SHANK2: variants seen among roughly 807,000 people sequenced by gnomAD.
SHANK2 encodes the protein SH3 and multiple ankyrin repeat domains protein 2.
A neutral mutation model predicts 133.7 loss-of-function variants in SHANK2; 43 were observed. The ratio of observed to expected loss-of-function variants is 0.32; its 90% CI spans 0.25 to 0.41. The LOEUF (loss-of-function observed/expected upper bound fraction) is 0.41. SHANK2 is among the 10% of genes least tolerant of loss of function. The pLI is 1.00. For missense variants in SHANK2, 1,994 were observed against 2,235.8 expected, an observed-to-expected ratio of 0.89 and a Z score of 2.18; for synonymous variants, 1,017 against 952.8, an observed-to-expected ratio of 1.07 and a Z score of -1.24.
At chr11:70,643,442 T>C (rs573108209) in intron 17 of SHANK2, among the ~76,000 whole-genome samples, 4 of 152,038 alleles carry the variant, frequency 2.6e-5, no homozygotes, top group East Asian at 1.9e-4. Flanking sequence ...CAGGTGCCTG[T>C]AGTCCCAGCT....
At chr11:70,793,447 A>G (rs1947839044) in intron 14 of SHANK2, among the ~76,000 whole-genome samples, 1 of 152,232 alleles carries the variant, frequency 6.6e-6, no homozygotes, top group Non-Finnish European at 1.5e-5. Context: ...TTTGCAGCAT[A>G]TATTTGACAA....
chr11:70,579,650 T>C (rs2060159408), intron 17 of SHANK2, among the ~76,000 whole-genome samples: 1 of 152,228 alleles, frequency 6.6e-6, no homozygotes, highest in Non-Finnish European at 1.5e-5. Flanking sequence ...CCGGGACCTG[T>C]CCTGTGCAGG....
chr11:70,751,913 A>G (rs1450848882), intron 14 of SHANK2, among the ~76,000 whole-genome samples: 31 of 152,204 alleles, frequency 2.0e-4, no homozygotes, highest in Admixed American at 2.0e-3. Context: ...TGGAAAAGTA[A>G]CAAGTCAAAT....
chr11:71,177,833 A>G (rs1953476556), intron 2 of SHANK2, among the ~76,000 whole-genome samples: 1 of 152,242 alleles, frequency 6.6e-6, no homozygotes, highest in Non-Finnish European at 1.5e-5. Context: ...CAACAGCATT[A>G]GGCATTTGGG....
intron 14 of SHANK2, among the ~76,000 whole-genome samples, chr11:70,750,089 T>C (rs1946722716): frequency 6.6e-6 from 1 of 152,174 alleles, no homozygotes; most frequent in South Asian, 2.1e-4. Flanking sequence ...TGCTGTTATT[T>C]ATGGACTCTG....
chr11:70,552,157 A>G (rs1554978267), intron 17 of SHANK2, among the ~76,000 whole-genome samples: 3 of 152,214 alleles, frequency 2.0e-5, no homozygotes, highest in Admixed American at 2.0e-4. Flanking sequence ...TCGGCTTTGA[A>G]GAATAATATG....
intron 11 of SHANK2, among the ~76,000 whole-genome samples, chr11:70,835,995 C>T (rs1191715911): frequency 6.6e-6 from 1 of 152,192 alleles, no homozygotes; most frequent in African/African-American, 2.4e-5. Flanking sequence ...TCAAGCCACA[C>T]TGGGGTGGGC....
At position 70,468,776 on chromosome 11, in the gene SHANK2, T is replaced by C. The variant is rs1555147701; in HGVS notation, c.*4093A>G. 6.6e-6 allele frequency: 1 copy of C among 152,156 alleles called. No homozygotes were observed. Among genetic ancestry groups the C allele is most frequent in the Admixed American group, 6.5e-5 (1 of 15,270 alleles). The allele number at this position is 152,156 out of a possible 1,614,324, so 9.4% of individuals were successfully genotyped here. On this transcript the variant is annotated 3_prime_UTR_variant, in exon 26 of 26. Transcript: ENST00000601538. ...AACGTGGAAGCATAGAGGCTGCTGC[T>C]CAACTGGGGAATGTGCCAAAGTAGA...
chr11:70,908,093 C>A, intron 10 of SHANK2: 1 of 218,410 alleles, frequency 4.6e-6, no homozygotes, highest in Non-Finnish European at 9.6e-6. Flanking sequence ...GAGAGTCCAT[C>A]TCAAAAAAAA....
chr11:71,199,963 C>A (rs1432655046), intron 2 of SHANK2, among the ~76,000 whole-genome samples: 2 of 152,176 alleles, frequency 1.3e-5, no homozygotes, highest in Non-Finnish European at 2.9e-5. Flanking sequence ...TCTTTTAGGG[C>A]ATTTGTTTCC....
chr11:70,635,118 T>C (rs1300858552), intron 17 of SHANK2: 1 of 152,216 alleles, frequency 6.6e-6, no homozygotes, highest in Non-Finnish European at 1.5e-5. Flanking sequence ...GGTAAAGTGG[T>C]GCAGCCCCTG....
intron 3 of SHANK2, among the ~76,000 whole-genome samples, chr11:71,129,719 C>T (rs146499214): frequency 1.4e-3 from 218 of 152,278 alleles, no homozygotes; most frequent in African/African-American, 5.0e-3. Flanking sequence ...TACAAGTATT[C>T]TGCAAGGTGA....
Position 70,500,724 on chromosome 11 carries a change from C to T in SHANK2, c.2288-134G>A. Reference sequence around the variant, plus strand: ...CAATGGGGCGGCAGGCAGGGGCTGTCTGGAACGCTGCGAACGCAGGCTGCG... The same window carrying T: ...CAATGGGGCGGCAGGCAGGGGCTGTTTGGAACGCTGCGAACGCAGGCTGCG... On this transcript the variant is annotated intron_variant, in intron 20 of 25. Transcript: ENST00000601538. This position sits in a 1 kb window ranked among gnomAD's most constrained non-coding sequence, Gnocchi z 4.5. 1.7e-6 allele frequency: 2 copies of T among 1,202,014 alleles called. No individual in the cohort carries two copies. Among genetic ancestry groups the T allele is most frequent in the South Asian group, 1.3e-5 (1 of 76,972 alleles). The allele number at this position is 1,202,014 out of a possible 1,614,324, so 74.5% of individuals were successfully genotyped here.
intron 17 of SHANK2, among the ~76,000 whole-genome samples, chr11:70,590,634 G>A (rs905712754): frequency 2.6e-5 from 4 of 152,288 alleles, no homozygotes; most frequent in African/African-American, 7.2e-5. Context: ...ATGACTCGCC[G>A]AAGGCTCTGA....
At chr11:70,795,669 G>A (rs1947895068) in intron 14 of SHANK2, among the ~76,000 whole-genome samples, 1 of 152,158 alleles carries the variant, frequency 6.6e-6, no homozygotes, top group Non-Finnish European at 1.5e-5. Context: ...GTCTCCCAAA[G>A]TGCTGGGATT....
chr11:70,918,439 T>C (rs1950300243), intron 10 of SHANK2, among the ~76,000 whole-genome samples: 1 of 152,236 alleles, frequency 6.6e-6, no homozygotes, highest in South Asian at 2.1e-4. Flanking sequence ...CCCAGGTGGC[T>C]CTGCCAGTCG....
chr11:70,789,102 G>A (rs1265031055), intron 14 of SHANK2, among the ~76,000 whole-genome samples: 1 of 152,180 alleles, frequency 6.6e-6, no homozygotes, highest in African/African-American at 2.4e-5. Flanking sequence ...GTCCACGGCA[G>A]GGATTCTGAA....
chr11:71,069,454 CCAT>C (rs1324923573), intron 9 of SHANK2, among the ~76,000 whole-genome samples: 5 of 152,252 alleles, frequency 3.3e-5, no homozygotes, highest in African/African-American at 9.6e-5. Context: ...AGCACCACCA[CCAT>C]CGCCAGCCTC....
chr11:70,756,749 G>A (rs144474951), intron 14 of SHANK2, among the ~76,000 whole-genome samples: 48 of 152,322 alleles, frequency 3.2e-4, no homozygotes, highest in African/African-American at 1.1e-3. Flanking sequence ...CAGTGGCCAC[G>A]CAGCGTTGAA....
Sources: gnomAD v4.1 joint callset for allele counts (sites outside exome capture counted in the v4.1 genomes callset) on GRCh38, gnomAD v4.1.1 for gene constraint, Gnocchi (gnomAD v3.1) non-coding constraint, MANE v1.5 for transcripts, NCBI Gene and HGNC (gene_info 2026-07-23, HGNC 2026-07-21) for gene names.